RBFOX1: variants seen among roughly 807,000 people sequenced by gnomAD.
RBFOX1 encodes the protein RNA binding protein fox-1 homolog 1.
A neutral mutation model predicts 57.7 loss-of-function variants in RBFOX1; 8 were observed. The observed-to-expected ratio is 0.14, with a 90% confidence interval of 0.08 to 0.25. RBFOX1 has a LOEUF of 0.25. Among genes scored for constraint, RBFOX1 ranks in the 10% least tolerant of loss-of-function variants. The pLI is 1.00. For synonymous variants in RBFOX1, 326 were observed against 222.4 expected, an observed-to-expected ratio of 1.47 and a Z score of -4.15; for missense variants, 611 against 548.5, an observed-to-expected ratio of 1.11 and a Z score of -1.14.
At chr16:5,362,296 T>A (rs2065574431) in intron 1 of RBFOX1, among the ~76,000 whole-genome samples, 1 of 152,094 alleles carries the variant, frequency 6.6e-6, no homozygotes, top group Non-Finnish European at 1.5e-5. Context: ...GTTTAAGTGA[T>A]TCTCTTGCCT....
intron 6 of RBFOX1, among the ~76,000 whole-genome samples, chr16:7,585,946 G>A (rs957405291): frequency 2.6e-5 from 4 of 151,870 alleles, no homozygotes; most frequent in Admixed American, 2.6e-4. Flanking sequence ...TCTGTCCGCT[G>A]CCACACAGAA....
Position 6,088,101 on chromosome 16 carries a change from C to G in RBFOX1, c.-127+68109C>G, listed in dbSNP as rs1258130131. 4.6e-5 allele frequency among the ~76,000 whole-genome samples: 7 copies of G among 152,208 alleles called. No homozygotes were observed. The East Asian group carries it at 1.2e-3, about 25-fold the overall frequency. ...ATTTTAGAGAGAAGAGGTTCACCGT[C>G]TCGTTATTTCAACCTCATCATCTGT... On this transcript the variant is annotated intron_variant, in intron 1 of 15. Coordinates refer to ENST00000550418, the MANE Select transcript of RBFOX1 (RefSeq NM_018723.4).
chr16:6,140,234 C>G (rs2096705209), intron 1 of RBFOX1, among the ~76,000 whole-genome samples: 1 of 151,256 alleles, frequency 6.6e-6, no homozygotes, highest in African/African-American at 2.4e-5. Flanking sequence ...GCTTCTCACC[C>G]AGGCTGGAGT....
intron 3 of RBFOX1, among the ~76,000 whole-genome samples, chr16:6,869,878 T>A (rs2060569968): frequency 6.6e-6 from 1 of 152,142 alleles, no homozygotes; most frequent in Non-Finnish European, 1.5e-5. Flanking sequence ...TCAGAACGTA[T>A]ATGTCTCCCC....
chr16:6,529,319 T>C (rs907305680), intron 2 of RBFOX1, among the ~76,000 whole-genome samples: 10 of 152,072 alleles, frequency 6.6e-5, no homozygotes, highest in Non-Finnish European at 1.3e-4. Context: ...TCCCAGCAGT[T>C]TGGGAGGTGG....
intron 3 of RBFOX1, among the ~76,000 whole-genome samples, chr16:6,749,363 A>G (rs1228289337): frequency 1.3e-5 from 2 of 152,302 alleles, no homozygotes; most frequent in East Asian, 3.9e-4. Flanking sequence ...GTAAGTGCTC[A>G]GGACATGAGT....
At chr16:6,990,788 T>A (rs2091295076) in intron 3 of RBFOX1, among the ~76,000 whole-genome samples, 1 of 152,140 alleles carries the variant, frequency 6.6e-6, no homozygotes, top group Non-Finnish European at 1.5e-5. Flanking sequence ...GAGCCCAAAC[T>A]GCTTGTTAAG....
intron 2 of RBFOX1, among the ~76,000 whole-genome samples, chr16:6,437,950 C>G (rs768382476): frequency 2.0e-5 from 3 of 152,084 alleles, no homozygotes; most frequent in Non-Finnish European, 4.4e-5. Context: ...TATCAGCATG[C>G]CAATGAGGCT....
At chr16:6,357,045 G>A (rs1410543376) in intron 2 of RBFOX1, among the ~76,000 whole-genome samples, 1 of 152,052 alleles carries the variant, frequency 6.6e-6, no homozygotes, top group South Asian at 2.1e-4. Context: ...CTGCACCCGG[G>A]GACCTCTATT....
chr16:5,821,727 C>A (rs191833280), intron 3 of RBFOX1, among the ~76,000 whole-genome samples: 2 of 152,280 alleles, frequency 1.3e-5, no homozygotes, highest in African/African-American at 4.8e-5. Context: ...TCTCGTAGTT[C>A]TGGAGGGTGG....
At chr16:6,831,022 C>CT (rs1387485280) in intron 3 of RBFOX1, among the ~76,000 whole-genome samples, 14 of 152,194 alleles carry the variant, frequency 9.2e-5, no homozygotes, top group African/African-American at 3.4e-4. Flanking sequence ...CCATCTAAGC[C>CT]TTTTCCCAAT....
chr16:6,730,370 G>C lies in RBFOX1; in HGVS notation c.-16+75720G>C, dbSNP rs192963965. On this transcript the variant is annotated intron_variant, in intron 3 of 15. Coordinates refer to ENST00000550418, the MANE Select transcript of RBFOX1 (RefSeq NM_018723.4). ...TTATATAGTAAGCAGTAAGCATGTG[G>C]AATCTCTCTCTCTCTGTCTCTATCA... Among the ~76,000 whole-genome samples, 297 of 151,256 alleles carry C rather than the reference G, an allele frequency of 2.0e-3. 1 individual carries two copies. The highest frequency in any genetic ancestry group is 6.5e-3 in the African/African-American group (269 of 41,078).
intron 2 of RBFOX1, among the ~76,000 whole-genome samples, chr16:6,422,777 C>T (rs374124285): frequency 1.2e-4 from 19 of 152,192 alleles, no homozygotes; most frequent in Admixed American, 5.9e-4. Context: ...ATAAATCCAC[C>T]GCTGTGAGCC....
intron 1 of RBFOX1, among the ~76,000 whole-genome samples, chr16:5,448,787 C>T (rs1383730412): frequency 6.6e-6 from 1 of 152,180 alleles, no homozygotes. Flanking sequence ...AGCACAAATT[C>T]GGTGCCCAGC....
chr16:6,048,331 G>A (rs376472218), intron 1 of RBFOX1, among the ~76,000 whole-genome samples: 1 of 152,226 alleles, frequency 6.6e-6, no homozygotes, highest in Non-Finnish European at 1.5e-5. Flanking sequence ...AATTATCAGT[G>A]CTTCTGCATT....
Position 7,390,314 on chromosome 16 carries a change from A to G in RBFOX1, c.28-127833A>G, listed in dbSNP as rs1353190351. ...TCTAGAAAGGTAAACCAATTTTCCC[A>G]TAACAATAGAGAGAATACATTATAA... is the stretch of plus-strand genomic sequence containing the variant. On this transcript the variant is annotated intron_variant, in intron 4 of 15. Coordinates refer to ENST00000550418, the MANE Select transcript of RBFOX1 (RefSeq NM_018723.4). Among the ~76,000 whole-genome samples, 5 of 152,310 alleles carry G rather than the reference A, an allele frequency of 3.3e-5. No individual in the cohort carries two copies. The East Asian group carries it at 9.7e-4, about 29-fold the overall frequency.
At chr16:6,822,957 G>A (rs1246177405) in intron 3 of RBFOX1, among the ~76,000 whole-genome samples, 1 of 152,084 alleles carries the variant, frequency 6.6e-6, no homozygotes, top group Non-Finnish European at 1.5e-5. Context: ...AGAGTTCATG[G>A]ACAAAAAACG....
chr16:7,518,556 C>T lies in RBFOX1; in HGVS notation c.270+167C>T, dbSNP rs1297556335. On this transcript the variant is annotated intron_variant, in intron 5 of 15. Coordinates refer to ENST00000550418, the MANE Select transcript of RBFOX1 (RefSeq NM_018723.4). ...TCCTGAAGTTTACCTCATTTCCATG[C>T]ATTCATTCTTAGCGTTCATTTAAAT... Among the ~76,000 whole-genome samples the T allele has an allele frequency of 2.0e-5, 3 of 152,314 alleles. No homozygotes were observed. The East Asian group carries it at 5.8e-4, about 29-fold the overall frequency.
At chr16:5,386,127 G>A (rs2066248751) in intron 1 of RBFOX1, among the ~76,000 whole-genome samples, 1 of 151,234 alleles carries the variant, frequency 6.6e-6, no homozygotes, top group Admixed American at 6.6e-5. Context: ...TTTGGAGGGG[G>A]AGTTTATTTA....
Sources: allele counts gnomAD v4.1 joint callset (sites outside exome capture counted in the v4.1 genomes callset), GRCh38; gene constraint gnomAD v4.1.1; transcripts MANE v1.5; gene names NCBI Gene and HGNC (gene_info 2026-07-23, HGNC 2026-07-21).